Variants in XIRP2 observed in about 807,000 individuals in gnomAD.
XIRP2 encodes xin actin binding repeat containing 2.
Under a neutral mutation model 277.0 loss-of-function variants are expected in XIRP2, and 236 were observed. The ratio of observed to expected loss-of-function variants is 0.85; its 90% CI spans 0.77 to 0.95. XIRP2 has a LOEUF of 0.95. Among genes scored for constraint, XIRP2 ranks in the 40% least tolerant of loss-of-function variants. The probability of loss-of-function intolerance (pLI) is 0.00; values close to 1 mark genes in which losing one functional copy is unlikely to be tolerated. For synonymous variants in XIRP2, 1,490 were observed against 1,416.5 expected, an observed-to-expected ratio of 1.05 and a Z score of -1.17; for missense variants, 4,640 against 4,157.5, an observed-to-expected ratio of 1.12 and a Z score of -3.19.
In XIRP2 at chr2:167,257,890, A is replaced by G. The variant is rs1172890058; in HGVS notation, c.*73A>G. The G allele has an allele frequency of 1.9e-6, 3 of 1,607,140 alleles. No individual in the cohort carries two copies. The highest frequency in any genetic ancestry group is 2.5e-6 in the Non-Finnish European group (3 of 1,177,850). ...ATTATGCATCACTTCATGGACAAAT[A>G]TACTGTAAACCTCACTTTAAACAAC... is the stretch of plus-strand genomic sequence containing the variant. On this transcript the variant is annotated 3_prime_UTR_variant, in exon 11 of 11. Transcript: ENST00000409195.
At chr2:166,941,563 G>T (rs1044889684) in intron 2 of XIRP2, among the ~76,000 whole-genome samples, 1 of 152,162 alleles carries the variant, frequency 6.6e-6, no homozygotes, top group Non-Finnish European at 1.5e-5. Context: ...GACTGGAGCT[G>T]TTCCTAATTG....
intron 2 of XIRP2, among the ~76,000 whole-genome samples, chr2:167,087,052 T>C (rs1392964362): frequency 7.3e-5 from 11 of 151,120 alleles, no homozygotes; most frequent in Admixed American, 7.3e-4. Context: ...TTCTGTTCTG[T>C]TTTTTCCCCA....
At chr2:166,927,479 T>A (rs1685219754) in intron 2 of XIRP2, among the ~76,000 whole-genome samples, 1 of 152,130 alleles carries the variant, frequency 6.6e-6, no homozygotes, top group African/African-American at 2.4e-5. Flanking sequence ...TTTCTTCATG[T>A]TTGCCAACCT....
chr2:166,979,971 A>G (rs533786814), intron 2 of XIRP2, among the ~76,000 whole-genome samples: 194 of 152,270 alleles, frequency 1.3e-3, no homozygotes, highest in Non-Finnish European at 4.4e-4. Flanking sequence ...ATTTTTTTCA[A>G]GAAAGACTGG....
At chr2:167,074,918 C>G (rs921489914) in intron 2 of XIRP2, among the ~76,000 whole-genome samples, 1 of 152,080 alleles carries the variant, frequency 6.6e-6, no homozygotes, top group Admixed American at 6.6e-5. Context: ...AGCCACCATG[C>G]CTGGCCAGAA....
intron 2 of XIRP2, among the ~76,000 whole-genome samples, chr2:167,097,589 T>C (rs1441025664): frequency 2.0e-5 from 3 of 152,230 alleles, no homozygotes; most frequent in African/African-American, 4.8e-5. Flanking sequence ...AATTTAATCC[T>C]GTCATTATGA....
Position 167,243,929 on chromosome 2 carries a change from A to T in XIRP2, c.2537A>T (p.Glu846Val). Residue 846 changes from glutamate to valine, a missense_variant, in exon 9 of 11, where the codon GAA becomes GTA. Coordinates refer to ENST00000409195, the MANE Select transcript of XIRP2 (RefSeq NM_152381.6). ...GTCTCCAGAAAGTGTTGGATGTTTG[A>T]AACCCAGCCATTAGACATTCTAAAA... ...TDVSRKCWMF[E>V]TQPLDILKEV... 6.2e-7 allele frequency: 1 copy of T among 1,614,102 alleles called. No homozygotes were observed. The highest frequency in any genetic ancestry group is 8.5e-7 in the Non-Finnish European group (1 of 1,179,974).
intron 2 of XIRP2, among the ~76,000 whole-genome samples, chr2:167,051,634 T>C (rs1688917213): frequency 6.6e-6 from 1 of 152,092 alleles, no homozygotes; most frequent in Admixed American, 6.6e-5. Flanking sequence ...ATATGTAAAA[T>C]GTTAACATGT....
intron 3 of XIRP2, among the ~76,000 whole-genome samples, chr2:167,171,044 T>G (rs1377720205): frequency 6.6e-6 from 1 of 151,722 alleles, no homozygotes; most frequent in Non-Finnish European, 1.5e-5. Flanking sequence ...GGATTACAAG[T>G]GCACACCACC....
In XIRP2 at chr2:167,257,889, T is replaced by C. The variant is rs1695705792; in HGVS notation, c.*72T>C. On this transcript the variant is annotated 3_prime_UTR_variant, in exon 11 of 11. Coordinates refer to ENST00000409195, the MANE Select transcript of XIRP2 (RefSeq NM_152381.6). ...AATTATGCATCACTTCATGGACAAA[T>C]ATACTGTAAACCTCACTTTAAACAA... 6.2e-7 allele frequency: 1 copy of C among 1,606,622 alleles called. No individual in the cohort carries two copies. Among genetic ancestry groups the C allele is most frequent in the African/African-American group, 1.3e-5 (1 of 74,326 alleles).
intron 3 of XIRP2, among the ~76,000 whole-genome samples, chr2:167,191,217 G>GAAAGAAAAGAAAAGA (rs376744900): frequency 2.7e-5 from 4 of 148,092 alleles, no homozygotes; most frequent in Admixed American, 1.3e-4. Context: ...AAGAAAGAAA[G>GAAAGAAAAGAAAAGA]AAAGAAAAGA....
intron 3 of XIRP2, among the ~76,000 whole-genome samples, chr2:167,174,127 A>T (rs1692772930): frequency 6.6e-6 from 1 of 152,206 alleles, no homozygotes; most frequent in Non-Finnish European, 1.5e-5. Context: ...TTCTGGCCTC[A>T]TAAAATGAGT....
Position 167,250,952 on chromosome 2 carries a change from A to T in XIRP2, c.9560A>T (p.Asp3187Val), listed in dbSNP as rs767523448. Residue 3187 changes from aspartate to valine, a missense_variant, in exon 9 of 11, where the codon GAC becomes GTC. Coordinates refer to ENST00000409195, the MANE Select transcript of XIRP2 (RefSeq NM_152381.6). ...TCTGAACAACTTGTCAGACTCAAAG[A>T]CACCACTGCAAAGTTATCCAAAGGG... ...SRSEQLVRLK[D>V]TTAKLSKGAI... The T allele has an allele frequency of 6.2e-7, 1 of 1,613,586 alleles. No individual in the cohort carries two copies. The highest frequency in any genetic ancestry group is 2.2e-5 in the East Asian group (1 of 44,812).
intron 3 of XIRP2, among the ~76,000 whole-genome samples, chr2:167,173,363 C>A (rs959501523): frequency 7.2e-5 from 11 of 152,166 alleles, no homozygotes; most frequent in African/African-American, 2.7e-4. Flanking sequence ...ATCCCACAAA[C>A]AAGTGAGAAC....
At chr2:167,213,159 T>C (rs910206004) in intron 4 of XIRP2, among the ~76,000 whole-genome samples, 8 of 152,178 alleles carry the variant, frequency 5.3e-5, no homozygotes, top group African/African-American at 1.9e-4. Context: ...AGTGGTGGTC[T>C]ATAGAAGCCC....
chr2:167,241,396 T>G (rs1695060348), intron 7 of XIRP2, among the ~76,000 whole-genome samples: 2 of 152,232 alleles, frequency 1.3e-5, no homozygotes, highest in South Asian at 2.1e-4. Flanking sequence ...TAGAACATAC[T>G]TGTAGAAAAT....
At chr2:167,257,187 A>G (rs1695679513) in intron 10 of XIRP2, among the ~76,000 whole-genome samples, 2 of 151,924 alleles carry the variant, frequency 1.3e-5, no homozygotes, top group Admixed American at 1.3e-4. Context: ...TGAGACCATC[A>G]TGCTGGCCTT....
intron 2 of XIRP2, among the ~76,000 whole-genome samples, chr2:166,966,392 T>A (rs942341026): frequency 6.6e-6 from 1 of 151,794 alleles, no homozygotes; most frequent in Non-Finnish European, 1.5e-5. Context: ...GAGCTAAAAT[T>A]TTTTTACATA....
At chr2:167,082,473 G>C (rs1029618863) in intron 2 of XIRP2, among the ~76,000 whole-genome samples, 7 of 151,902 alleles carry the variant, frequency 4.6e-5, no homozygotes, top group Non-Finnish European at 8.8e-5. Context: ...TAATGGGATG[G>C]CTGGGTCAAA....
Sources: allele counts gnomAD v4.1 joint callset (sites outside exome capture counted in the v4.1 genomes callset), GRCh38; gene constraint gnomAD v4.1.1; transcripts MANE v1.5; gene names NCBI Gene and HGNC (gene_info 2026-07-23, HGNC 2026-07-21).